MAL2: variants seen among roughly 807,000 people sequenced by gnomAD.
The protein encoded by MAL2 is protein MAL2.
Under a neutral mutation model 18.1 loss-of-function variants are expected in MAL2, and 17 were observed. The ratio of observed to expected loss-of-function variants is 0.94; its 90% confidence interval spans 0.64 to 1.41. The LOEUF (loss-of-function observed/expected upper bound fraction) is 1.41. Among genes scored for constraint, MAL2 ranks in the 40% most tolerant of loss-of-function variants. The pLI is 0.00. For missense variants in MAL2, 222 were observed against 231.9 expected, an observed-to-expected ratio of 0.96 and a Z score of 0.28; for synonymous variants, 102 against 102.3, an observed-to-expected ratio of 1.00 and a Z score of 0.02.
intron 1 of MAL2, among the ~76,000 whole-genome samples, chr8:119,211,604 A>C (rs1817268991): frequency 6.6e-6 from 1 of 152,168 alleles, no homozygotes; most frequent in African/African-American, 2.4e-5. Flanking sequence ...ATATTACAAA[A>C]TATATAAATA....
rs1229222164 is a variant in MAL2, at chr8:119,239,081, A to G, written c.304-1084A>G. Among the ~76,000 whole-genome samples, 4 of 151,472 alleles carry G rather than the reference A, an allele frequency of 2.6e-5. No individual in the cohort carries two copies. The East Asian group carries it at 7.7e-4, about 29-fold the overall frequency. The stretch of plus-strand genomic sequence containing the variant: ...CAATGAACTCAAACAAATTTACAAG[A>G]AAAAAAAACAACCCCATCAAAAAGT... On this transcript the variant is annotated intron_variant, in intron 2 of 3. Coordinates refer to ENST00000614891, the MANE Select transcript of MAL2 (RefSeq NM_052886.3).
In MAL2 at chr8:119,208,735, C is replaced by G. The variant is rs1043405288; in HGVS notation, c.132+131C>G. The G allele has an allele frequency of 2.5e-6, 3 of 1,207,492 alleles. No individual in the cohort carries two copies. Among genetic ancestry groups the G allele is most frequent in the Non-Finnish European group, 3.1e-6 (3 of 970,190 alleles). 74.8% of individuals were successfully genotyped at this position (1,207,492 alleles called of 1,614,324 possible). Reference sequence around the variant, plus strand: ...CTTCGACGTGGCTTTGTCCTGCGCTCCCTCCCGGGGTCCTCTCGGTGCCCC... The same window carrying G: ...CTTCGACGTGGCTTTGTCCTGCGCTGCCTCCCGGGGTCCTCTCGGTGCCCC... On this transcript the variant is annotated intron_variant, in intron 1 of 3. Transcript: ENST00000614891. The surrounding 1 kb of genome is among the most constrained non-coding windows in gnomAD (Gnocchi z 4.3).
At chr8:119,232,966 T>C (rs1459952526) in intron 2 of MAL2, among the ~76,000 whole-genome samples, 7 of 151,368 alleles carry the variant, frequency 4.6e-5, no homozygotes, top group Non-Finnish European at 1.0e-4. Context: ...TTTGTTATAA[T>C]TTCTGATCTT....
chr8:119,222,461 C>G (rs1036624038), intron 2 of MAL2, among the ~76,000 whole-genome samples: 1 of 148,830 alleles, frequency 6.7e-6, no homozygotes, highest in African/African-American at 2.5e-5. Context: ...ACCCGGGAGG[C>G]AGTGAGCCTA....
intron 1 of MAL2, chr8:119,215,106 A>G (rs145924297): frequency 1.4e-4 from 21 of 152,658 alleles, no homozygotes; most frequent in Admixed American, 3.9e-4. Flanking sequence ...TGGGGCCGAA[A>G]AAAGATTTAA....
At chr8:119,232,019 G>A (rs928034911) in intron 2 of MAL2, among the ~76,000 whole-genome samples, 1 of 152,016 alleles carries the variant, frequency 6.6e-6, no homozygotes, top group African/African-American at 2.4e-5. Context: ...GTTAATAACA[G>A]TGTATTATAT....
chr8:119,241,144 C>G (rs991356176), intron 3 of MAL2, among the ~76,000 whole-genome samples: 1 of 152,252 alleles, frequency 6.6e-6, no homozygotes, highest in South Asian at 2.1e-4. Context: ...GCAGCACTGT[C>G]TAGTAGAACT....
chr8:119,225,157 A>C (rs1004098330), intron 2 of MAL2, among the ~76,000 whole-genome samples: 1 of 152,102 alleles, frequency 6.6e-6, no homozygotes, highest in Non-Finnish European at 1.5e-5. Flanking sequence ...TTTAGGGTAC[A>C]TGTGCACAAC....
intron 3 of MAL2, 104 bp from the exon 4 acceptor site, chr8:119,243,313 C>G: frequency 6.0e-6 from 4 of 661,940 alleles, no homozygotes; most frequent in Non-Finnish European, 9.3e-6. Flanking sequence ...GTCGAAGTAT[C>G]TTTAGGTAGA....
At chr8:119,226,738 G>A (rs1477627806) in intron 2 of MAL2, among the ~76,000 whole-genome samples, 2 of 152,210 alleles carry the variant, frequency 1.3e-5, no homozygotes, top group Non-Finnish European at 2.9e-5. Flanking sequence ...GGCCAGAAGA[G>A]CAGCAGCATC....
chr8:119,218,051 G>C (rs144335922), intron 1 of MAL2, among the ~76,000 whole-genome samples: 147 of 152,304 alleles, frequency 9.7e-4, no homozygotes, highest in African/African-American at 3.1e-3. Context: ...GTCAAGGCCA[G>C]AGTGATCCAT....
Position 119,221,591 on chromosome 8 carries a change from T to C in MAL2, c.137T>C (p.Phe46Ser). Residue 46 changes from phenylalanine to serine, a missense_variant, in exon 2 of 4, where the codon TTC becomes TCC. Transcript: ENST00000614891. Reference protein sequence around the residue: ...SGAFVCLEILFGGLVWILVAS... With the variant: ...SGAFVCLEILSGGLVWILVAS... ...TACCCTCTTTTTCTCTTTCAGCTGT[T>C]CGGGGGTCTTGTCTGGATTTTGGTT... 3.7e-6 allele frequency: 6 copies of C among 1,613,824 alleles called. No individual in the cohort carries two copies. Among genetic ancestry groups the C allele is most frequent in the Non-Finnish European group, 5.1e-6 (6 of 1,179,806 alleles).
At chr8:119,237,535 G>T (rs200591318) in intron 2 of MAL2, among the ~76,000 whole-genome samples, 1 of 150,284 alleles carries the variant, frequency 6.7e-6, no homozygotes, top group East Asian at 1.9e-4. Flanking sequence ...TGCAAAAATC[G>T]TCAATAAAAT....
In MAL2 at chr8:119,243,618, A is replaced by G; in HGVS notation, c.*130A>G. 1.7e-6 allele frequency: 1 copy of G among 605,894 alleles called. No individual in the cohort carries two copies. Among genetic ancestry groups the G allele is most frequent in the Non-Finnish European group, 2.5e-6 (1 of 393,156 alleles). 37.5% of individuals were successfully genotyped at this position (605,894 alleles called of 1,614,324 possible). ...AATGTGTTTAGTAGAGAGAGACTCT[A>G]AGCTCAAGTTCTGGTTTATTTCATG... On this transcript the variant is annotated 3_prime_UTR_variant, in exon 4 of 4. Coordinates refer to ENST00000614891, the MANE Select transcript of MAL2 (RefSeq NM_052886.3).
At chr8:119,213,260 G>A (rs1345947950) in intron 1 of MAL2, among the ~76,000 whole-genome samples, 3 of 152,190 alleles carry the variant, frequency 2.0e-5, no homozygotes, top group Non-Finnish European at 2.9e-5. Context: ...GGACTTTAGG[G>A]GAGGCAGGTT....
intron 1 of MAL2, among the ~76,000 whole-genome samples, chr8:119,220,840 T>C (rs955897267): frequency 1.3e-5 from 2 of 152,178 alleles, no homozygotes; most frequent in African/African-American, 4.8e-5. Context: ...AATTGTGACA[T>C]TTATGAAGCA....
chr8:119,231,264 C>A (rs1304973104), intron 2 of MAL2, among the ~76,000 whole-genome samples: 1 of 152,178 alleles, frequency 6.6e-6, no homozygotes, highest in Non-Finnish European at 1.5e-5. Flanking sequence ...TCTCTCCTGA[C>A]CTCATGATCC....
At chr8:119,231,719 G>A (rs1346266888) in intron 2 of MAL2, among the ~76,000 whole-genome samples, 2 of 152,160 alleles carry the variant, frequency 1.3e-5, no homozygotes, top group Non-Finnish European at 2.9e-5. Flanking sequence ...TAAAGAAAAT[G>A]CAGTATATAT....
intron 2 of MAL2, among the ~76,000 whole-genome samples, chr8:119,239,784 A>G (rs1292855998): frequency 1.3e-5 from 2 of 151,896 alleles, no homozygotes; most frequent in Non-Finnish European, 2.9e-5. Flanking sequence ...GAGGGATAGC[A>G]TTAGGAGATA....
Sources: allele counts gnomAD v4.1 joint callset (sites outside exome capture counted in the v4.1 genomes callset), GRCh38; gene constraint gnomAD v4.1.1; non-coding constraint Gnocchi (gnomAD v3.1); transcripts MANE v1.5; gene names NCBI Gene and HGNC (gene_info 2026-07-23, HGNC 2026-07-21).